AKAP7: variants seen among roughly 807,000 people sequenced by gnomAD.
The protein encoded by AKAP7 is A-kinase anchoring protein 7.
A neutral mutation model predicts 39.5 loss-of-function variants in AKAP7; 39 were observed. That is an observed-to-expected ratio of 0.99 (90% CI 0.76 to 1.29). The LOEUF is 1.29. Among genes scored for constraint, AKAP7 ranks in the 50% most tolerant of loss-of-function variants. The pLI is 0.00. For synonymous variants in AKAP7, 140 were observed against 139.1 expected (o/e 1.01, Z -0.05); for missense variants, 414 against 407.7 (o/e 1.02, Z -0.13).
chr6:131,136,926 A>G (rs1190453298), intron 1 of AKAP7: 2 of 928,220 alleles, frequency 2.2e-6, no homozygotes, highest in Non-Finnish European at 2.6e-6. Flanking sequence ...TTAGGAATAA[A>G]CTTATTTATG....
intron 6 of AKAP7, among the ~76,000 whole-genome samples, chr6:131,216,575 T>C (rs1809202124): frequency 6.6e-6 from 1 of 152,230 alleles, no homozygotes; most frequent in Non-Finnish European, 1.5e-5. Context: ...TGATAATTTT[T>C]CCTAAACTGT....
chr6:131,154,716 A>C (rs1310346345), intron 2 of AKAP7, among the ~76,000 whole-genome samples: 1 of 152,130 alleles, frequency 6.6e-6, no homozygotes, highest in Non-Finnish European at 1.5e-5. Flanking sequence ...TAATGTCATC[A>C]AATAGCAAGA....
chr6:131,152,043 A>C (rs529339176), intron 2 of AKAP7, among the ~76,000 whole-genome samples: 2 of 152,306 alleles, frequency 1.3e-5, no homozygotes, highest in Admixed American at 6.5e-5. Context: ...GTGGTGCTTC[A>C]GTTAAAAAAA....
At chr6:131,243,999 CTTT>C (rs34699635) in intron 7 of AKAP7, among the ~76,000 whole-genome samples, 1 of 143,244 alleles carries the variant, frequency 7.0e-6, no homozygotes, top group Non-Finnish European at 1.5e-5. Context: ...TTTGCTTTTC[CTTT>C]TTTTTTTTTT....
At chr6:131,165,027 A>G in intron 3 of AKAP7, 54 bp from the exon 4 acceptor site, 1 of 1,406,306 alleles carries the variant, frequency 7.1e-7, no homozygotes, top group East Asian at 2.5e-5. Context: ...CCATAAAGAA[A>G]TTTTGCTTAC....
chr6:131,198,969 C>G (rs1262849030), intron 5 of AKAP7, among the ~76,000 whole-genome samples: 1 of 152,188 alleles, frequency 6.6e-6, no homozygotes, highest in East Asian at 1.9e-4. Context: ...CTATCTGTTT[C>G]ATCTCCTTAC....
At chr6:131,157,209 T>G (rs2128235895) in intron 2 of AKAP7, among the ~76,000 whole-genome samples, 1 of 152,334 alleles carries the variant, frequency 6.6e-6, no homozygotes, top group South Asian at 2.1e-4. Flanking sequence ...AATGTTTTTA[T>G]GTATTAACTG....
chr6:131,280,409 T>C (rs1815107637), intron 7 of AKAP7, among the ~76,000 whole-genome samples: 1 of 152,156 alleles, frequency 6.6e-6, no homozygotes, highest in African/African-American at 2.4e-5. Flanking sequence ...TGGGGGCCAG[T>C]TCTCACCCTT....
At chr6:131,273,198 C>T (rs976125740) in intron 7 of AKAP7, among the ~76,000 whole-genome samples, 5 of 152,136 alleles carry the variant, frequency 3.3e-5, no homozygotes, top group Admixed American at 1.3e-4. Flanking sequence ...TTACCTTTAA[C>T]CTTCCTGTCT....
chr6:131,150,383 A>G (rs948186119), intron 2 of AKAP7, among the ~76,000 whole-genome samples: 2 of 152,198 alleles, frequency 1.3e-5, no homozygotes, highest in African/African-American at 4.8e-5. Context: ...ACCTTCACCT[A>G]AAACTTTTTT....
At chr6:131,145,674 G>A (rs1309038443) in intron 2 of AKAP7, among the ~76,000 whole-genome samples, 1 of 151,960 alleles carries the variant, frequency 6.6e-6, no homozygotes. Flanking sequence ...TTCCTGGTGG[G>A]AGGTAGCTGG....
At chr6:131,194,282 A>G (rs1035355011) in intron 5 of AKAP7, among the ~76,000 whole-genome samples, 1 of 151,806 alleles carries the variant, frequency 6.6e-6, no homozygotes, top group African/African-American at 2.4e-5. Context: ...TTTCTTTTTA[A>G]TTGGCCCATT....
rs890711012 is a variant in AKAP7, at chr6:131,209,108, G to A, written c.702+9535G>A. 3.3e-5 allele frequency among the ~76,000 whole-genome samples: 5 copies of A among 152,082 alleles called. No homozygotes were observed. In the East Asian group the frequency reaches 9.6e-4, roughly 29 times the overall value. ...AAGTCCTTTTTCCACTGACTGTTTT[G>A]TAGCCATTAGTATTTGGTAGAACAT... is the stretch of plus-strand genomic sequence containing the variant. On this transcript the variant is annotated intron_variant, in intron 6 of 7. Transcript: ENST00000431975.
the AKAP7 span, among the ~76,000 whole-genome samples, chr6:131,129,342 A>T: frequency 6.6e-6 from 1 of 151,998 alleles, no homozygotes; most frequent in African/African-American, 2.4e-5. Flanking sequence ...AGAATGCTTA[A>T]TGACATGAGA....
chr6:131,164,527 C>G, intron 3 of AKAP7: 1 of 419,690 alleles, frequency 2.4e-6, no homozygotes, highest in Admixed American at 2.6e-5. Context: ...ATGCCCCTCC[C>G]CACAGGTATG....
intron 6 of AKAP7, 148 bp from the exon 7 acceptor site, chr6:131,219,513 T>C: frequency 3.2e-6 from 2 of 616,352 alleles, no homozygotes; most frequent in Non-Finnish European, 5.2e-6. Context: ...TCACAACAAT[T>C]TTATTGTTGT....
Position 131,214,316 on chromosome 6 carries a change from A to G in AKAP7, c.703-5345A>G, listed in dbSNP as rs1241180402. On this transcript the variant is annotated intron_variant, in intron 6 of 7. Coordinates refer to ENST00000431975, the MANE Select transcript of AKAP7 (RefSeq NM_016377.4). ...AATGTTAGTTAAAATACTAGGGTAG[A>G]GTTTCTGCTTTTTCTTTCTGTAAAG... is the stretch of plus-strand genomic sequence containing the variant. 5.3e-5 allele frequency among the ~76,000 whole-genome samples: 8 copies of G among 152,196 alleles called. No individual in the cohort carries two copies. The South Asian group carries it at 1.2e-3, about 24-fold the overall frequency.
chr6:131,178,622 G>A lies in AKAP7; in HGVS notation c.589+9349G>A, dbSNP rs935205631. Among the ~76,000 whole-genome samples the A allele has an allele frequency of 4.6e-5, 7 of 152,014 alleles. No individual in the cohort carries two copies. The South Asian group carries it at 8.3e-4, about 18-fold the overall frequency. ...TCGTTTCCACTACTGCTAATGCTCC[G>A]GAACCTCACCCAGGCTTGGCCTCTT... On this transcript the variant is annotated intron_variant, in intron 5 of 7. Coordinates refer to ENST00000431975, the MANE Select transcript of AKAP7 (RefSeq NM_016377.4).
chr6:131,189,539 T>TA (rs1806199980), intron 5 of AKAP7, among the ~76,000 whole-genome samples: 2 of 152,198 alleles, frequency 1.3e-5, no homozygotes, highest in African/African-American at 4.8e-5. Context: ...ATTGATCTGT[T>TA]ACAGTTTACT....
Sources: gnomAD v4.1 joint callset for allele counts (sites outside exome capture counted in the v4.1 genomes callset) on GRCh38, gnomAD v4.1.1 for gene constraint, MANE v1.5 for transcripts, NCBI Gene and HGNC (gene_info 2026-07-23, HGNC 2026-07-21) for gene names.